Variants in SLC43A2 observed in about 807,000 individuals in gnomAD.
SLC43A2 encodes the protein large neutral amino acids transporter small subunit 4.
SLC43A2 carries 38 observed loss-of-function variants against 63.2 expected under a neutral mutation model. The ratio of observed to expected loss-of-function variants is 0.60; its 90% CI spans 0.46 to 0.79. The LOEUF is 0.79. SLC43A2 is among the 30% of genes least tolerant of loss of function. SLC43A2 has a pLI of 0.00. For missense variants in SLC43A2, 644 were observed against 756.2 expected, an observed-to-expected ratio of 0.85 and a Z score of 1.74; for synonymous variants, 322 against 331.0, an observed-to-expected ratio of 0.97 and a Z score of 0.30.
chr17:1,625,353 A>T (rs915693177), intron 2 of SLC43A2, among the ~76,000 whole-genome samples: 2 of 152,248 alleles, frequency 1.3e-5, no homozygotes, highest in Non-Finnish European at 2.9e-5. Context: ...GAACCTTTCA[A>T]CAGGTTCAGG....
At chr17:1,594,813 CTCCT>C (rs1905152782) in intron 5 of SLC43A2, among the ~76,000 whole-genome samples, 1 of 151,600 alleles carries the variant, frequency 6.6e-6, no homozygotes. Flanking sequence ...TGGTCTGGAT[CTCCT>C]GACCTCGTGA....
intron 2 of SLC43A2, among the ~76,000 whole-genome samples, chr17:1,626,212 G>A (rs1181148350): frequency 7.1e-6 from 1 of 141,844 alleles, no homozygotes; most frequent in Admixed American, 7.2e-5. Context: ...CAGCCTGAAA[G>A]AGCCCACCAG....
chr17:1,606,229 G>A lies in SLC43A2; in HGVS notation c.501+6966C>T, dbSNP rs948497657. 5.3e-5 allele frequency among the ~76,000 whole-genome samples: 8 copies of A among 152,136 alleles called. No homozygotes were observed. Among genetic ancestry groups the A allele is most frequent in the Non-Finnish European group, 7.4e-5 (5 of 68,016 alleles). The stretch of plus-strand genomic sequence containing the variant: ...GGGACCCTCTCCTGGCTGCAGACGC[G>A]GGGTCTACTGAGCCACGGCACTAAA... On this transcript the variant is annotated intron_variant, in intron 5 of 13. Transcript: ENST00000301335. This position sits in a 1 kb window ranked among gnomAD's most constrained non-coding sequence, Gnocchi z 4.7.
chr17:1,591,102 G>A (rs957918763), intron 8 of SLC43A2, among the ~76,000 whole-genome samples, 154 bp from the exon 9 acceptor site: 5 of 152,132 alleles, frequency 3.3e-5, no homozygotes, highest in African/African-American at 1.2e-4. Context: ...GTCACCTCTT[G>A]GGTGAAATCA....
rs1433285146 is a variant in SLC43A2, at chr17:1,587,038, G to C, written c.1079-987C>G. 13 of 1,437,266 alleles carry C rather than the reference G, an allele frequency of 9.0e-6. No homozygotes were observed. The African/African-American group carries it at 1.4e-4, about 16-fold the overall frequency. 89.0% of individuals were successfully genotyped at this position (1,437,266 alleles called of 1,614,324 possible). ...GAAATCTCAGTGCTACAGAGAGATG[G>C]GAGAGGAGGCAGGCTCACTCCATGC... is the stretch of plus-strand genomic sequence containing the variant. On this transcript the variant is annotated intron_variant, in intron 9 of 13. Transcript: ENST00000301335.
intron 5 of SLC43A2, among the ~76,000 whole-genome samples, chr17:1,611,338 G>C (rs1261778129): frequency 6.6e-6 from 1 of 152,122 alleles, no homozygotes; most frequent in African/African-American, 2.4e-5. Flanking sequence ...GCTGATGAAA[G>C]AGCTGCTGGT....
intron 6 of SLC43A2, among the ~76,000 whole-genome samples, chr17:1,592,661 G>A (rs554036151): frequency 1.3e-5 from 2 of 152,300 alleles, no homozygotes; most frequent in East Asian, 1.9e-4. Flanking sequence ...AAGCCCCTAC[G>A]GGGCCCTGGC....
At chr17:1,581,062 AC>A (rs2076004725) in intron 11 of SLC43A2, among the ~76,000 whole-genome samples, 1 of 151,454 alleles carries the variant, frequency 6.6e-6, no homozygotes, top group Admixed American at 6.6e-5. Flanking sequence ...CCTCTTGGCC[AC>A]CAGGTCCCTG....
chr17:1,571,044 TGCCCGGAGGGGGTG>T lies in SLC43A2; in HGVS notation c.*4546_*4559del, dbSNP rs1236032519. 1.3e-5 allele frequency: 2 copies of T among 151,780 alleles called. No homozygotes were observed. The highest frequency in any genetic ancestry group is 3.9e-4 in the East Asian group (2 of 5,194). 9.4% of individuals were successfully genotyped at this position (151,780 alleles called of 1,614,324 possible). ...AGTGGCCCTGGCTCAGTCTCAGAGCTGCCCGGAGGGGGTGAGGATGGCTAACTTAAGGAGCACAG... is the reference window on the plus strand; with the variant it reads ...AGTGGCCCTGGCTCAGTCTCAGAGCTAGGATGGCTAACTTAAGGAGCACAG... On this transcript the variant is annotated 3_prime_UTR_variant, in exon 14 of 14. Coordinates refer to ENST00000301335, the MANE Select transcript of SLC43A2 (RefSeq NM_152346.3). This position sits in a 1 kb window ranked among gnomAD's most constrained non-coding sequence, Gnocchi z 5.2.
intron 9 of SLC43A2, chr17:1,586,928 T>TCCACCCCC: frequency 8.1e-7 from 1 of 1,232,916 alleles, no homozygotes; most frequent in Non-Finnish European, 1.1e-6. Flanking sequence ...TCCCTGACAA[T>TCCACCCCC]CCCCCCCACC....
At chr17:1,608,261 C>T (rs563353896) in intron 5 of SLC43A2, among the ~76,000 whole-genome samples, 7 of 152,278 alleles carry the variant, frequency 4.6e-5, no homozygotes, top group Admixed American at 1.3e-4. Context: ...CTTAGACAGA[C>T]CTCTGGTAGC....
rs184678888 is a variant in SLC43A2 at position 1,583,939 on chromosome 17, G to A, written c.1218-603C>T. Reference sequence around the variant, plus strand: ...GAGATGGAGTCTCGCTCTGTCACCCGGGCTGGAGTGCAGTGGTGTGATCTC... The same window carrying A: ...GAGATGGAGTCTCGCTCTGTCACCCAGGCTGGAGTGCAGTGGTGTGATCTC... On this transcript the variant is annotated intron_variant, in intron 10 of 13. Transcript: ENST00000301335. The surrounding 1 kb of genome is among the most constrained non-coding windows in gnomAD (Gnocchi z 5.5). 1.4e-3 allele frequency among the ~76,000 whole-genome samples: 205 copies of A among 151,776 alleles called. 1 individual carries two copies. The highest frequency in any genetic ancestry group is 4.5e-3 in the African/African-American group (186 of 41,364).
chr17:1,575,614 GCCT>G lies in SLC43A2; in HGVS notation c.1697_1699del (p.Glu566del). ...CCGAGGCGGCAGCCACTACACGAAG[GCCT>G]CCTGGTTGGACGAGCCGTTGATTTT... On this transcript the variant is annotated inframe_deletion, in exon 14 of 14. Transcript: ENST00000301335. The G allele has an allele frequency of 6.2e-7, 1 of 1,614,032 alleles. No homozygotes were observed. Among genetic ancestry groups the G allele is most frequent in the Non-Finnish European group, 8.5e-7 (1 of 1,179,990 alleles).
intron 3 of SLC43A2, among the ~76,000 whole-genome samples, chr17:1,615,454 G>A (rs1011421140): frequency 2.7e-5 from 4 of 150,778 alleles, no homozygotes; most frequent in Admixed American, 6.7e-5. Context: ...AGCACATTAA[G>A]AATGGCATAG....
chr17:1,594,277 G>T (rs146053067), intron 5 of SLC43A2, among the ~76,000 whole-genome samples: 59 of 152,266 alleles, frequency 3.9e-4, no homozygotes, highest in African/African-American at 1.4e-3. Context: ...AGCTCATTCT[G>T]GGTACAGGGC....
intron 5 of SLC43A2, among the ~76,000 whole-genome samples, chr17:1,601,711 G>A (rs1161731092): frequency 6.6e-6 from 1 of 150,796 alleles, no homozygotes; most frequent in African/African-American, 2.5e-5. Context: ...GACTACCCCA[G>A]ACATGTACTG....
At chr17:1,596,040 G>C in intron 5 of SLC43A2, among the ~76,000 whole-genome samples, 1 of 152,216 alleles carries the variant, frequency 6.6e-6, no homozygotes, top group East Asian at 1.9e-4. Flanking sequence ...TGAAAAGAGA[G>C]CCGGGCGCGG....
chr17:1,592,836 C>T (rs1904945962), intron 6 of SLC43A2, among the ~76,000 whole-genome samples: 1 of 152,134 alleles, frequency 6.6e-6, no homozygotes, highest in Non-Finnish European at 1.5e-5. Context: ...GGTACAATAA[C>T]AGCAGGCTGG....
rs1275374579 is a variant in SLC43A2 at position 1,626,084 on chromosome 17, A to AC, written c.160+1630_160+1631insG. On this transcript the variant is annotated intron_variant, in intron 2 of 13. Coordinates refer to ENST00000301335, the MANE Select transcript of SLC43A2 (RefSeq NM_152346.3). ...CGACATCATGGTGGGTTAAAAAAAAAACACACAAAAAAACACCTGCCCACA... is the reference window on the plus strand; with the variant it reads ...CGACATCATGGTGGGTTAAAAAAAAACACACACAAAAAAACACCTGCCCACA... Among the ~76,000 whole-genome samples the AC allele has an allele frequency of 4.6e-5, 7 of 151,606 alleles. No homozygotes were observed. The South Asian group carries it at 8.3e-4, about 18-fold the overall frequency.
Sources: allele counts gnomAD v4.1 joint callset (sites outside exome capture counted in the v4.1 genomes callset), GRCh38; gene constraint gnomAD v4.1.1; non-coding constraint Gnocchi (gnomAD v3.1); transcripts MANE v1.5; gene names NCBI Gene and HGNC (gene_info 2026-07-23, HGNC 2026-07-21).